WFDC1: variants seen among roughly 807,000 people sequenced by gnomAD.
WFDC1 encodes the protein WAP four-disulfide core domain 1, also known as WAP four-disulfide core domain protein 1.
In WFDC1, 39 loss-of-function variants were observed where a neutral mutation model predicts 32.9. The ratio of observed to expected loss-of-function variants is 1.19; its 90% confidence interval spans 0.92 to 1.55. WFDC1 has a LOEUF of 1.55. WFDC1 is among the 40% of genes most tolerant of loss of function. The pLI, the probability that WFDC1 is intolerant of heterozygous loss-of-function variation, is 0.00. For synonymous variants in WFDC1, 184 were observed against 137.4 expected (o/e 1.34, Z -2.37); for missense variants, 386 against 309.5 (o/e 1.25, Z -1.85).
chr16:84,308,806 GGTGTAGATGCCATCCTCA>G (rs1455520967), intron 1 of WFDC1, among the ~76,000 whole-genome samples: 2 of 152,060 alleles, frequency 1.3e-5, no homozygotes, highest in Non-Finnish European at 2.9e-5. Flanking sequence ...CGCCAGCCTG[GGTGTAGATGCCATCCTCA>G]GTGTAGATGC....
intron 1 of WFDC1, among the ~76,000 whole-genome samples, chr16:84,311,038 C>T (rs1907585288): frequency 6.6e-6 from 1 of 152,128 alleles, no homozygotes; most frequent in South Asian, 2.1e-4. Flanking sequence ...CTGTATCTAA[C>T]TCTGTGTGTG....
intron 4 of WFDC1, among the ~76,000 whole-genome samples, chr16:84,319,866 A>G (rs1425547209): frequency 6.6e-6 from 1 of 152,154 alleles, no homozygotes; most frequent in Non-Finnish European, 1.5e-5. Context: ...TCTGAGCCTC[A>G]GTTTCCTCAT....
At chr16:84,302,984 C>G (rs540439661) in intron 1 of WFDC1, among the ~76,000 whole-genome samples, 1 of 151,170 alleles carries the variant, frequency 6.6e-6, no homozygotes, top group African/African-American at 2.4e-5. Flanking sequence ...GTTGGGAAGA[C>G]TTGGTCGACT....
chr16:84,302,932 A>T (rs532151574), intron 1 of WFDC1, among the ~76,000 whole-genome samples: 2 of 152,250 alleles, frequency 1.3e-5, no homozygotes, highest in South Asian at 4.2e-4. Flanking sequence ...AGGGATGGAA[A>T]GTTCTAGAGG....
At chr16:84,305,675 C>T (rs1458943276) in intron 1 of WFDC1, among the ~76,000 whole-genome samples, 1 of 152,072 alleles carries the variant, frequency 6.6e-6, no homozygotes, top group Non-Finnish European at 1.5e-5. Flanking sequence ...AATGAAGTTA[C>T]TATGGGACGA....
intron 2 of WFDC1, 157 bp from the exon 3 acceptor site, chr16:84,318,115 C>T: frequency 1.5e-6 from 1 of 669,586 alleles, no homozygotes; most frequent in Non-Finnish European, 2.6e-6. Context: ...AAGGTTCTAT[C>T]ACTAAAAGCA....
At chr16:84,319,250 G>A (rs775082683) in intron 3 of WFDC1, 181 bp from the exon 4 acceptor site, 2 of 706,222 alleles carry the variant, frequency 2.8e-6, no homozygotes, top group Non-Finnish European at 4.6e-6. Flanking sequence ...GTGCACGTGT[G>A]CCACATGCCG....
At chr16:84,315,698 C>T (rs1907908215) in intron 2 of WFDC1, among the ~76,000 whole-genome samples, 2 of 152,204 alleles carry the variant, frequency 1.3e-5, no homozygotes, top group Admixed American at 1.3e-4. Flanking sequence ...AACCTCTACC[C>T]CAAGTTGTGA....
chr16:84,326,961 TG>T lies in WFDC1; in HGVS notation c.*15+9del. On this transcript the variant is annotated splice_region_variant and intron_variant, in intron 6 of 6. Transcript: ENST00000219454. Reference sequence around the variant, plus strand: ...AGTAAAGCAACGGCAAGCAGGTGAGTGGGCAGAGAGCAAGAGTCATGGCCAG... The same window carrying T: ...AGTAAAGCAACGGCAAGCAGGTGAGTGGCAGAGAGCAAGAGTCATGGCCAG... 1.2e-6 allele frequency: 2 copies of T among 1,613,788 alleles called. No individual in the cohort carries two copies. Among genetic ancestry groups the T allele is most frequent in the South Asian group, 2.2e-5 (2 of 91,054 alleles).
rs189061048 is a variant in WFDC1 at position 84,326,544 on chromosome 16, A to G, written c.605-338A>G. On this transcript the variant is annotated intron_variant, in intron 5 of 6. Transcript: ENST00000219454. Reference sequence around the variant, plus strand: ...AAGGCTTCCTAAGGAGGAGACATGAAAGCTCAGCCTAAAGAATAAGAAATA... The same window carrying G: ...AAGGCTTCCTAAGGAGGAGACATGAGAGCTCAGCCTAAAGAATAAGAAATA... The G allele has an allele frequency of 6.6e-5, 17 of 259,026 alleles. No homozygotes were observed. The East Asian group carries it at 1.1e-3, about 17-fold the overall frequency. 16.0% of individuals were successfully genotyped at this position (259,026 alleles called of 1,614,324 possible).
intron 1 of WFDC1, among the ~76,000 whole-genome samples, chr16:84,297,930 C>A (rs1906706600): frequency 6.6e-6 from 1 of 152,086 alleles, no homozygotes; most frequent in South Asian, 2.1e-4. Context: ...CGTGAGGCAC[C>A]ACTCCCTCAC....
At position 84,312,866 on chromosome 16, in the gene WFDC1, A is replaced by T. The variant is rs539621980; in HGVS notation, c.145-95A>T. ...CACAAGAGGAAACGCAGGCTCAGAG[A>T]GGCCCGGCGCACTGCCCACCCCCTT... is the stretch of plus-strand genomic sequence containing the variant. On this transcript the variant is annotated intron_variant, in intron 1 of 6. Coordinates refer to ENST00000219454, the MANE Select transcript of WFDC1 (RefSeq NM_021197.4). The T allele has an allele frequency of 2.6e-5, 19 of 741,514 alleles. No homozygotes were observed. In the African/African-American group the frequency reaches 2.8e-4, roughly 11 times the overall value. The allele number at this position is 741,514 out of a possible 1,614,324, so 45.9% of individuals were successfully genotyped here.
Position 84,295,187 on chromosome 16 carries a change from T to C in WFDC1, c.144+72T>C. On this transcript the variant is annotated intron_variant, in intron 1 of 6. Coordinates refer to ENST00000219454, the MANE Select transcript of WFDC1 (RefSeq NM_021197.4). Reference sequence around the variant, plus strand: ...GTCAGCCTTGAGGAGAGGCGATCCCTAGACACTGCCTTCTCCTGTAAGTGC... The same window carrying C: ...GTCAGCCTTGAGGAGAGGCGATCCCCAGACACTGCCTTCTCCTGTAAGTGC... The C allele has an allele frequency of 4.5e-6, 7 of 1,564,220 alleles. No individual in the cohort carries two copies. In the Admixed American group the frequency reaches 1.2e-4, roughly 28 times the overall value.
intron 2 of WFDC1, 64 bp downstream of exon 2, chr16:84,313,217 G>A: frequency 7.5e-7 from 1 of 1,325,332 alleles, no homozygotes; most frequent in Non-Finnish European, 9.6e-7. Context: ...CTGTCCCGGG[G>A]GAGGGGAAGA....
At chr16:84,312,295 C>G (rs1470608348) in intron 1 of WFDC1, among the ~76,000 whole-genome samples, 1 of 152,158 alleles carries the variant, frequency 6.6e-6, no homozygotes, top group East Asian at 1.9e-4. Context: ...AGAACAGAGC[C>G]AGTCCCAAGA....
intron 4 of WFDC1, among the ~76,000 whole-genome samples, chr16:84,323,014 C>A (rs1430292014): frequency 6.6e-6 from 1 of 152,206 alleles, no homozygotes; most frequent in Non-Finnish European, 1.5e-5. Context: ...CCGGGGTCCA[C>A]ATTTACCTCT....
In WFDC1 at chr16:84,312,991, C is replaced by G; in HGVS notation, c.175C>G (p.Arg59Gly). 2.5e-6 allele frequency: 3 copies of G among 1,197,906 alleles called. No homozygotes were observed. The highest frequency in any genetic ancestry group is 3.1e-6 in the Non-Finnish European group (3 of 966,850). 74.2% of individuals were successfully genotyped at this position (1,197,906 alleles called of 1,614,324 possible). A position where few individuals can be genotyped will look rare whatever the true frequency, so the allele number is the denominator to read the frequency against. The change falls in exon 2 of 7, where the codon CGG becomes GGG. Residue 59 changes from arginine to glycine, a missense_variant. By Grantham distance (125) the Arg-to-Gly change is moderately radical (BLOSUM62 -2). Coordinates refer to ENST00000219454, the MANE Select transcript of WFDC1 (RefSeq NM_021197.4). The stretch of plus-strand genomic sequence containing the variant: ...GGAGGCGGGCGCGCCCGGCGGCCCC[C>G]GGCAGCCCCGAGCAGACCGCTGCCC... ...AEEAGAPGGP[R>G]QPRADRCPPP...
At chr16:84,304,724 C>G (rs2151369445) in intron 1 of WFDC1, among the ~76,000 whole-genome samples, 1 of 152,294 alleles carries the variant, frequency 6.6e-6, no homozygotes, top group South Asian at 2.1e-4. Context: ...TGAGTGTCCT[C>G]CTTTCTCAGG....
intron 1 of WFDC1, among the ~76,000 whole-genome samples, chr16:84,301,604 C>G (rs1457691353): frequency 6.6e-6 from 1 of 152,148 alleles, no homozygotes; most frequent in African/African-American, 2.4e-5. Context: ...GTCTTCAAGG[C>G]TCATGGTTGA....
Sources: allele counts gnomAD v4.1 joint callset (sites outside exome capture counted in the v4.1 genomes callset), GRCh38; gene constraint gnomAD v4.1.1; transcripts MANE v1.5; gene names NCBI Gene and HGNC (gene_info 2026-07-23, HGNC 2026-07-21).